The following HCN1 variants were observed in gnomAD, a reference collection of about 807,000 sequenced individuals.
The protein encoded by HCN1 is potassium/sodium hyperpolarization-activated cyclic nucleotide-gated channel 1.
A neutral mutation model predicts 78.9 loss-of-function variants in HCN1; 13 were observed. The observed-to-expected ratio is 0.16, with a 90% CI of 0.11 to 0.26. The LOEUF (loss-of-function observed/expected upper bound fraction) is 0.26. Ranked by LOEUF, HCN1 falls within the 10% of genes least tolerant of loss-of-function variation. The pLI is 1.00. For missense variants in HCN1, 810 were observed against 1,154.3 expected (o/e 0.70, Z 4.32); for synonymous variants, 552 against 455.5 (o/e 1.21, Z -2.70).
intron 3 of HCN1, among the ~76,000 whole-genome samples, chr5:45,431,141 G>C (rs370573468): frequency 6.6e-6 from 1 of 152,184 alleles, no homozygotes; most frequent in East Asian, 1.9e-4. Context: ...ATTCTGAATC[G>C]TGTGAAATGG....
chr5:45,496,651 A>C (rs1368251451), intron 2 of HCN1, among the ~76,000 whole-genome samples: 1 of 152,074 alleles, frequency 6.6e-6, no homozygotes, highest in Non-Finnish European at 1.5e-5. Flanking sequence ...CTTTCAAAAA[A>C]CCAGCTCCTG....
At chr5:45,569,000 C>CT (rs1282248140) in intron 2 of HCN1, among the ~76,000 whole-genome samples, 1 of 152,124 alleles carries the variant, frequency 6.6e-6, no homozygotes, top group African/African-American at 2.4e-5. Flanking sequence ...AGGTTACTCT[C>CT]TGACAGTCTC....
chr5:45,498,699 C>T (rs1456569556), intron 2 of HCN1, among the ~76,000 whole-genome samples: 3 of 152,026 alleles, frequency 2.0e-5, no homozygotes, highest in Non-Finnish European at 2.9e-5. Context: ...CTGTTTTTTC[C>T]CCATCTTTGT....
In HCN1 at chr5:45,409,828, A is replaced by C. The variant is rs1739992202; in HGVS notation, c.1012-13118T>G. On this transcript the variant is annotated intron_variant, in intron 3 of 7. Transcript: ENST00000303230. ...TGAATTTCAGAATCTCCATGATTAT[A>C]AGATCAAAATACATAAATAAACAAA... Among the ~76,000 whole-genome samples the C allele has an allele frequency of 5.9e-5, 9 of 151,878 alleles. No individual in the cohort carries two copies. The South Asian group carries it at 1.9e-3, about 31-fold the overall frequency.
intron 5 of HCN1, among the ~76,000 whole-genome samples, chr5:45,315,950 A>G (rs1478427748): frequency 2.0e-5 from 3 of 152,196 alleles, no homozygotes; most frequent in Admixed American, 6.5e-5. Flanking sequence ...AAAGTACAGG[A>G]CCAGATGGAT....
rs565787962 is a variant in HCN1 at position 45,372,832 on chromosome 5, T to A, written c.1231-19586A>T. ...TACACAAATATATGTACGTATTCTA[T>A]ACAGAAAAATATGTTCGTATTCTAT... On this transcript the variant is annotated intron_variant, in intron 4 of 7. Transcript: ENST00000303230. Among the ~76,000 whole-genome samples, 203 of 141,410 alleles carry A rather than the reference T, an allele frequency of 1.4e-3. 8 individuals are homozygous for A. The South Asian group carries it at 0.043, about 30-fold the overall frequency. 92.8% of individuals were successfully genotyped at this position (141,410 alleles called of 152,430 possible).
intron 3 of HCN1, among the ~76,000 whole-genome samples, chr5:45,452,224 T>C (rs1434972518): frequency 6.6e-6 from 1 of 151,940 alleles, no homozygotes; most frequent in East Asian, 1.9e-4. Context: ...TATGAGATAC[T>C]GGATGTAGAA....
intron 3 of HCN1, among the ~76,000 whole-genome samples, chr5:45,400,491 T>G (rs368206796): frequency 2.0e-5 from 3 of 148,890 alleles, no homozygotes; most frequent in East Asian, 4.1e-4. Context: ...CTCTGCCTCC[T>G]GGGTTCAAGT....
chr5:45,350,429 G>A (rs1335034335), intron 5 of HCN1, among the ~76,000 whole-genome samples: 1 of 152,106 alleles, frequency 6.6e-6, no homozygotes, highest in Non-Finnish European at 1.5e-5. Flanking sequence ...TACTGAGTGG[G>A]CAAAAACTGG....
At chr5:45,468,360 A>T (rs1741322252) in intron 2 of HCN1, among the ~76,000 whole-genome samples, 1 of 152,134 alleles carries the variant, frequency 6.6e-6, no homozygotes, top group South Asian at 2.1e-4. Flanking sequence ...AAAATAAAGT[A>T]TAGGTGTATA....
At chr5:45,341,942 A>C (rs7709262) in intron 5 of HCN1, among the ~76,000 whole-genome samples, 1 of 151,854 alleles carries the variant, frequency 6.6e-6, no homozygotes, top group African/African-American at 2.4e-5. Context: ...CTACCTTATC[A>C]TCTCAATTTG....
intron 2 of HCN1, among the ~76,000 whole-genome samples, chr5:45,549,478 C>T (rs1308238547): frequency 6.6e-6 from 1 of 152,152 alleles, no homozygotes; most frequent in Non-Finnish European, 1.5e-5. Context: ...CTTCCATACA[C>T]CTTATACAAA....
At chr5:45,537,512 C>T (rs1427473982) in intron 2 of HCN1, among the ~76,000 whole-genome samples, 3 of 106,782 alleles carry the variant, frequency 2.8e-5, no homozygotes, top group Non-Finnish European at 5.7e-5. Context: ...TAATTTAAAG[C>T]AACTCTAAGT....
rs573421760 is a variant in HCN1 at position 45,349,622 on chromosome 5, G to A, written c.1377+3478C>T. 2.4e-4 allele frequency among the ~76,000 whole-genome samples: 37 copies of A among 152,138 alleles called. No individual in the cohort carries two copies. The South Asian group carries it at 3.7e-3, about 15-fold the overall frequency. Reference sequence around the variant, plus strand: ...AAAGGATCAACAAAATTGATAGACCGCTAGCAAGACGAATAAAGTAGAAAA... The same window carrying A: ...AAAGGATCAACAAAATTGATAGACCACTAGCAAGACGAATAAAGTAGAAAA... On this transcript the variant is annotated intron_variant, in intron 5 of 7. Transcript: ENST00000303230.
chr5:45,577,288 C>T (rs911795270), intron 2 of HCN1, among the ~76,000 whole-genome samples: 8 of 151,896 alleles, frequency 5.3e-5, no homozygotes, highest in South Asian at 4.1e-4. Flanking sequence ...TAGAACAAGA[C>T]GAAAATCTTC....
intron 2 of HCN1, among the ~76,000 whole-genome samples, chr5:45,502,031 A>G (rs1390029627): frequency 1.3e-5 from 2 of 152,180 alleles, no homozygotes; most frequent in African/African-American, 4.8e-5. Context: ...TGTACAAAAG[A>G]TACCATATCC....
At chr5:45,408,665 G>A (rs959407636) in intron 3 of HCN1, among the ~76,000 whole-genome samples, 2 of 152,076 alleles carry the variant, frequency 1.3e-5, no homozygotes, top group East Asian at 1.9e-4. Context: ...TAATGTGCAC[G>A]TTTAAATTAA....
intron 4 of HCN1, among the ~76,000 whole-genome samples, chr5:45,373,242 A>G (rs1450613596): frequency 8.3e-6 from 1 of 120,920 alleles, no homozygotes; most frequent in Non-Finnish European, 1.6e-5. Context: ...TACATTATAT[A>G]TAATATATAT....
At chr5:45,508,681 A>C (rs1325214272) in intron 2 of HCN1, among the ~76,000 whole-genome samples, 1 of 152,166 alleles carries the variant, frequency 6.6e-6, no homozygotes, top group Non-Finnish European at 1.5e-5. Flanking sequence ...ACTTTTCTAT[A>C]TAGAATGTCT....
Sources: allele counts gnomAD v4.1 joint callset (sites outside exome capture counted in the v4.1 genomes callset), GRCh38; gene constraint gnomAD v4.1.1; transcripts MANE v1.5; gene names NCBI Gene and HGNC (gene_info 2026-07-23, HGNC 2026-07-21).